NELL1: variants seen among roughly 807,000 people sequenced by gnomAD.
NELL1 encodes the protein protein kinase C-binding protein NELL1.
NELL1 carries 76 observed loss-of-function variants against 107.4 expected under a neutral mutation model. The observed-to-expected ratio is 0.71, with a 90% CI of 0.59 to 0.86. NELL1 has a LOEUF of 0.86. Among genes scored for constraint, NELL1 ranks in the 40% least tolerant of loss-of-function variants. NELL1 has a pLI of 0.00. For synonymous variants in NELL1, 353 were observed against 341.2 expected (o/e 1.03, Z -0.38); for missense variants, 1,024 against 1,005.5 (o/e 1.02, Z -0.25).
intron 14 of NELL1, among the ~76,000 whole-genome samples, chr11:21,361,754 C>A (rs1001361226): frequency 6.6e-6 from 1 of 152,050 alleles, no homozygotes; most frequent in Non-Finnish European, 1.5e-5. Flanking sequence ...GAAGCTCCTT[C>A]TTCTACTTGT....
chr11:20,697,926 A>G (rs530547796), intron 2 of NELL1, among the ~76,000 whole-genome samples: 42 of 152,286 alleles, frequency 2.8e-4, no homozygotes, highest in African/African-American at 9.9e-4. Context: ...TGCTCAGAAA[A>G]TCTGAGTAAG....
At chr11:21,407,980 T>C (rs1852275616) in intron 15 of NELL1, among the ~76,000 whole-genome samples, 2 of 152,036 alleles carry the variant, frequency 1.3e-5, no homozygotes, top group African/African-American at 2.4e-5. Flanking sequence ...ATAATATGCT[T>C]CTTATATGTT....
intron 13 of NELL1, among the ~76,000 whole-genome samples, chr11:21,214,687 A>G (rs572110850): frequency 6.6e-6 from 1 of 151,498 alleles, no homozygotes; most frequent in African/African-American, 2.4e-5. Flanking sequence ...ACACTTTCGG[A>G]TATTTATCCT....
chr11:20,847,564 T>C lies in NELL1; in HGVS notation c.336-19T>C. ...ATCCAGAACTAAAATAAAACAAATG[T>C]TTGTTCCTTTACATACAGCTATTTT... On this transcript the variant is annotated intron_variant, in intron 3 of 19. Coordinates refer to ENST00000357134, the MANE Select transcript of NELL1 (RefSeq NM_006157.5). The C allele has an allele frequency of 6.2e-7, 1 of 1,606,878 alleles. No homozygotes were observed. Among genetic ancestry groups the C allele is most frequent in the Non-Finnish European group, 8.5e-7 (1 of 1,175,700 alleles).
intron 14 of NELL1, among the ~76,000 whole-genome samples, chr11:21,337,761 TTTCTTTC>T (rs1395295661): frequency 1.4e-5 from 2 of 144,034 alleles, no homozygotes; most frequent in Non-Finnish European, 3.0e-5. Flanking sequence ...TCTTTCTTTC[TTTCTTTC>T]TTTCTTTCTT....
intron 13 of NELL1, among the ~76,000 whole-genome samples, chr11:21,120,545 C>G (rs1290181281): frequency 6.6e-6 from 1 of 152,014 alleles, no homozygotes; most frequent in Admixed American, 6.6e-5. Context: ...CCTTGTTTAC[C>G]GTAGGCTGTG....
At chr11:20,872,446 G>A (rs1048541680) in intron 4 of NELL1, among the ~76,000 whole-genome samples, 2 of 152,232 alleles carry the variant, frequency 1.3e-5, no homozygotes, top group East Asian at 3.9e-4. Context: ...TTCCCAAAGT[G>A]CTGGGCTTAC....
chr11:21,357,794 T>G (rs1850971206), intron 14 of NELL1, among the ~76,000 whole-genome samples: 1 of 152,240 alleles, frequency 6.6e-6, no homozygotes, highest in Non-Finnish European at 1.5e-5. Flanking sequence ...GCTTTAAGTC[T>G]TTGATCCATC....
chr11:20,963,632 C>T (rs1011470994), intron 12 of NELL1, among the ~76,000 whole-genome samples: 4 of 152,104 alleles, frequency 2.6e-5, no homozygotes, highest in Admixed American at 2.6e-4. Flanking sequence ...ATCGGGTAGA[C>T]AAGCTTACAG....
chr11:20,751,286 T>C (rs943683659), intron 2 of NELL1, among the ~76,000 whole-genome samples: 2 of 152,204 alleles, frequency 1.3e-5, no homozygotes, highest in African/African-American at 4.8e-5. Context: ...TGATTTGGAT[T>C]GCATTAAATC....
chr11:20,886,851 A>T (rs1473419536), intron 5 of NELL1, among the ~76,000 whole-genome samples: 2 of 152,212 alleles, frequency 1.3e-5, no homozygotes, highest in African/African-American at 4.8e-5. Flanking sequence ...ACCAAAAAAA[A>T]GTAAGATGTA....
intron 12 of NELL1, among the ~76,000 whole-genome samples, chr11:20,982,870 C>G (rs1400034611): frequency 6.6e-6 from 1 of 152,182 alleles, no homozygotes. Context: ...TGAATGATTT[C>G]TATGGTTAAT....
intron 2 of NELL1, among the ~76,000 whole-genome samples, chr11:20,695,353 G>A (rs1186261300): frequency 6.6e-6 from 1 of 152,104 alleles, no homozygotes; most frequent in East Asian, 1.9e-4. Flanking sequence ...GGTGAAAGTA[G>A]ACATCTTTGC....
At position 21,340,192 on chromosome 11, in the gene NELL1, G is replaced by A. The variant is rs564439638; in HGVS notation, c.1550-30661G>A. 1.6e-4 allele frequency among the ~76,000 whole-genome samples: 25 copies of A among 152,052 alleles called. 1 individual carries two copies. The highest frequency in any genetic ancestry group is 2.1e-4 in the Non-Finnish European group (14 of 68,004). Reference sequence around the variant, plus strand: ...TTTTGAGACGGAGTCTCACTCTGTCGCCCAGGCTGGAGTGCAATGGCGCGA... The same window carrying A: ...TTTTGAGACGGAGTCTCACTCTGTCACCCAGGCTGGAGTGCAATGGCGCGA... On this transcript the variant is annotated intron_variant, in intron 14 of 19. Transcript: ENST00000357134.
At chr11:21,390,694 G>A (rs76353454) in intron 15 of NELL1, among the ~76,000 whole-genome samples, 2,812 of 151,850 alleles carry the variant, frequency 0.019, 84 homozygotes, top group African/African-American at 0.064. Flanking sequence ...GCTTTCTCTG[G>A]ATTTAATGAT....
At chr11:20,960,866 A>G (rs1487945138) in intron 12 of NELL1, among the ~76,000 whole-genome samples, 1 of 152,156 alleles carries the variant, frequency 6.6e-6, no homozygotes, top group Non-Finnish European at 1.5e-5. Flanking sequence ...TAGACACATC[A>G]TATTCTGTTT....
intron 16 of NELL1, among the ~76,000 whole-genome samples, chr11:21,546,391 A>C (rs1366329417): frequency 1.3e-5 from 2 of 151,986 alleles, no homozygotes; most frequent in African/African-American, 4.8e-5. Flanking sequence ...ATGTCTAAAC[A>C]GCAATTCAGA....
rs963858222 is a variant in NELL1 at position 21,314,002 on chromosome 11, C to G, written c.1550-56851C>G. 1.3e-4 allele frequency among the ~76,000 whole-genome samples: 15 copies of G among 112,416 alleles called. 1 individual carries two copies. The highest frequency in any genetic ancestry group is 8.1e-3 in the Middle Eastern group (2 of 248). The allele number at this position is 112,416 out of a possible 152,430, so 73.7% of individuals were successfully genotyped here. Reference sequence around the variant, plus strand: ...TGGAACCTACACTCTGCCCCCCCCCCCCCCCCCGCGACCCCCACTTGCTCC... The same window carrying G: ...TGGAACCTACACTCTGCCCCCCCCCGCCCCCCCGCGACCCCCACTTGCTCC... On this transcript the variant is annotated intron_variant, in intron 14 of 19. Coordinates refer to ENST00000357134, the MANE Select transcript of NELL1 (RefSeq NM_006157.5).
At chr11:20,745,319 A>C (rs1285239566) in intron 2 of NELL1, among the ~76,000 whole-genome samples, 1 of 152,222 alleles carries the variant, frequency 6.6e-6, no homozygotes, top group Non-Finnish European at 1.5e-5. Flanking sequence ...GTATCACCAC[A>C]CATGGTAGAA....
Sources: gnomAD v4.1 joint callset for allele counts (sites outside exome capture counted in the v4.1 genomes callset) on GRCh38, gnomAD v4.1.1 for gene constraint, MANE v1.5 for transcripts, NCBI Gene and HGNC (gene_info 2026-07-23, HGNC 2026-07-21) for gene names.